The following NEK11 variants were observed in gnomAD, a reference collection of about 807,000 sequenced individuals.
The protein encoded by NEK11 is NIMA related kinase 11, also known as serine/threonine-protein kinase Nek11.
NEK11 carries 72 observed loss-of-function variants against 80.7 expected under a neutral mutation model. The observed-to-expected ratio is 0.89, with a 90% CI of 0.74 to 1.08. NEK11 has a LOEUF of 1.08. NEK11 is among the 50% of genes least tolerant of loss of function. The pLI, the probability that NEK11 is intolerant of heterozygous loss-of-function variation, is 0.00. For synonymous variants in NEK11, 251 were observed against 260.7 expected, an observed-to-expected ratio of 0.96 and a Z score of 0.36; for missense variants, 764 against 763.6, an observed-to-expected ratio of 1.00 and a Z score of -0.01.
At chr3:131,171,054 C>T in intron 14 of NEK11, 167 bp downstream of exon 14, 1 of 639,498 alleles carries the variant, frequency 1.6e-6, no homozygotes. Flanking sequence ...GTAGAGAAGC[C>T]AAGGATTTTT....
intron 3 of NEK11, among the ~76,000 whole-genome samples, chr3:131,064,662 G>C (rs1191865296): frequency 6.6e-6 from 1 of 152,084 alleles, no homozygotes; most frequent in African/African-American, 2.4e-5. Flanking sequence ...GACCTCTGGG[G>C]ATATACTAAA....
chr3:131,052,625 C>A (rs2068626036), intron 3 of NEK11, among the ~76,000 whole-genome samples: 1 of 152,004 alleles, frequency 6.6e-6, no homozygotes, highest in East Asian at 1.9e-4. Flanking sequence ...GTATGTCTCT[C>A]GAAGGTAGTA....
At chr3:131,195,869 T>C (rs987107044) in intron 14 of NEK11, among the ~76,000 whole-genome samples, 2 of 148,498 alleles carry the variant, frequency 1.3e-5, no homozygotes, top group African/African-American at 5.0e-5. Flanking sequence ...GTTTCATAAG[T>C]GTAGGAGCTC....
At chr3:131,080,685 A>C in intron 4 of NEK11, 97 bp downstream of exon 4, 1 of 1,040,074 alleles carries the variant, frequency 9.6e-7, no homozygotes, top group Non-Finnish European at 1.4e-6. Flanking sequence ...TTATCACACC[A>C]TAAATTGAAC....
chr3:131,175,075 G>A (rs2092929138), intron 14 of NEK11: 3 of 1,145,842 alleles, frequency 2.6e-6, no homozygotes, highest in African/African-American at 1.6e-5. Flanking sequence ...TATGACTTAC[G>A]ATATCACCTC....
chr3:131,095,188 G>C (rs921524575), intron 4 of NEK11, among the ~76,000 whole-genome samples: 1 of 152,092 alleles, frequency 6.6e-6, no homozygotes, highest in African/African-American at 2.4e-5. Flanking sequence ...ACCTGCCAAA[G>C]CATTTCCTTA....
At chr3:131,173,105 G>T (rs2092790333) in intron 14 of NEK11, among the ~76,000 whole-genome samples, 1 of 152,132 alleles carries the variant, frequency 6.6e-6, no homozygotes, top group Non-Finnish European at 1.5e-5. Context: ...CTGTTGTTTA[G>T]CATATAATCA....
At chr3:131,219,306 C>T (rs911027549) in intron 14 of NEK11, among the ~76,000 whole-genome samples, 3 of 151,998 alleles carry the variant, frequency 2.0e-5, no homozygotes, top group Non-Finnish European at 4.4e-5. Context: ...GAAAACCAAA[C>T]ACTGCATGTT....
chr3:131,251,799 G>A (rs1023185159), intron 16 of NEK11, among the ~76,000 whole-genome samples: 2 of 152,014 alleles, frequency 1.3e-5, no homozygotes, highest in African/African-American at 4.8e-5. Flanking sequence ...TATGTTACCA[G>A]AACAGTAGAA....
chr3:131,219,844 G>T (rs917726816), intron 14 of NEK11, among the ~76,000 whole-genome samples: 3 of 152,186 alleles, frequency 2.0e-5, no homozygotes, highest in African/African-American at 7.2e-5. Context: ...TTATACTTTG[G>T]AGTGTGTCTG....
intron 14 of NEK11, among the ~76,000 whole-genome samples, chr3:131,208,896 C>T (rs537847786): frequency 6.6e-6 from 1 of 152,326 alleles, no homozygotes; most frequent in South Asian, 2.1e-4. Flanking sequence ...AGTATACAAT[C>T]ATGTCGTCTG....
chr3:131,193,488 AT>A (rs1210701558), intron 14 of NEK11, among the ~76,000 whole-genome samples: 1 of 152,152 alleles, frequency 6.6e-6, no homozygotes, highest in Non-Finnish European at 1.5e-5. Context: ...TAATTTCTCC[AT>A]TTGTTCTGCA....
chr3:131,343,436 G>A (rs1458150157), intron 17 of NEK11, among the ~76,000 whole-genome samples: 1 of 152,128 alleles, frequency 6.6e-6, no homozygotes, highest in Non-Finnish European at 1.5e-5. Context: ...CTGGGAAAAT[G>A]GAATGTTTAT....
chr3:131,165,037 A>G (rs1329460998), intron 11 of NEK11, among the ~76,000 whole-genome samples: 1 of 152,200 alleles, frequency 6.6e-6, no homozygotes, highest in African/African-American at 2.4e-5. Context: ...ATCCTTTGAT[A>G]TGTAGCTCTA....
chr3:131,087,235 C>CTTTTTTTTTTT, intron 4 of NEK11, among the ~76,000 whole-genome samples: 1 of 81,204 alleles, frequency 1.2e-5, no homozygotes, highest in Non-Finnish European at 2.3e-5. Context: ...TATGCAAATT[C>CTTTTTTTTTTT]TTTTTTTTTT....
At chr3:131,160,684 T>C (rs1362868144) in intron 10 of NEK11, among the ~76,000 whole-genome samples, 1 of 152,012 alleles carries the variant, frequency 6.6e-6, no homozygotes, top group Non-Finnish European at 1.5e-5. Flanking sequence ...TTGAGACCCA[T>C]CTCACATACA....
chr3:131,325,998 T>A lies in NEK11; in HGVS notation c.1719-23559T>A, dbSNP rs1281511089. ...GTCTAGACAACAAGAGAAACCTGCC[T>A]ACTAGTTTCTTAGTAGACAACCTTA... is the stretch of plus-strand genomic sequence containing the variant. On this transcript the variant is annotated intron_variant, in intron 17 of 17. Coordinates refer to ENST00000383366, the MANE Select transcript of NEK11 (RefSeq NM_024800.5). 3 of 152,180 alleles carry A rather than the reference T, an allele frequency of 2.0e-5. 1 individual carries two copies. The highest frequency in any genetic ancestry group is 4.4e-5 in the Non-Finnish European group (3 of 68,022). 9.4% of individuals were successfully genotyped at this position (152,180 alleles called of 1,614,324 possible). A position where few individuals can be genotyped will look rare whatever the true frequency, so the allele number is the denominator to read the frequency against.
intron 3 of NEK11, chr3:131,072,161 A>G (rs1242520774): frequency 1.3e-5 from 2 of 152,196 alleles, no homozygotes; most frequent in African/African-American, 4.8e-5. Flanking sequence ...CTAGAGAGAG[A>G]GCAATTCTGG....
In NEK11 at chr3:131,320,521, GA is replaced by G. The variant is rs1209799560; in HGVS notation, c.1719-29035del. On this transcript the variant is annotated intron_variant, in intron 17 of 17. Transcript: ENST00000383366. ...TCCTCCAGAGATGGGGAAGAGGAGG[GA>G]GAGAGAGAGAGAGAGAGAAGGAAAG... 2.7e-4 allele frequency among the ~76,000 whole-genome samples: 32 copies of G among 119,608 alleles called. No homozygotes were observed. The East Asian group carries it at 9.3e-3, about 35-fold the overall frequency. The allele number at this position is 119,608 out of a possible 152,430, so 78.5% of individuals were successfully genotyped here.
Sources: allele counts gnomAD v4.1 joint callset (sites outside exome capture counted in the v4.1 genomes callset), GRCh38; gene constraint gnomAD v4.1.1; transcripts MANE v1.5; gene names NCBI Gene and HGNC (gene_info 2026-07-23, HGNC 2026-07-21).